The following FHIT variants were observed in gnomAD, a reference collection of about 807,000 sequenced individuals.
FHIT encodes bis(5'-adenosyl)-triphosphatase.
In FHIT, 19 loss-of-function variants were observed where a neutral mutation model predicts 17.9. That is an observed-to-expected ratio of 1.06 (90% CI 0.74 to 1.56). FHIT has a LOEUF of 1.56. Among genes scored for constraint, FHIT ranks in the 40% most tolerant of loss-of-function variants. The pLI is 0.00. For missense variants in FHIT, 248 were observed against 189.2 expected (o/e 1.31, Z -1.82); for synonymous variants, 81 against 69.7 (o/e 1.16, Z -0.81).
intron 5 of FHIT, among the ~76,000 whole-genome samples, chr3:60,313,148 A>AGAT (rs1330317191): frequency 6.6e-6 from 1 of 152,230 alleles, no homozygotes; most frequent in African/African-American, 2.4e-5. Context: ...ACTGACTCAC[A>AGAT]GATGTATGTT....
chr3:59,873,531 A>G (rs1703015521), intron 8 of FHIT, among the ~76,000 whole-genome samples: 2 of 152,202 alleles, frequency 1.3e-5, no homozygotes, highest in South Asian at 4.1e-4. Context: ...TCTGTCCTCT[A>G]GCCAAGGGTT....
At chr3:61,180,279 C>G (rs1349813731) in intron 2 of FHIT, among the ~76,000 whole-genome samples, 4 of 152,194 alleles carry the variant, frequency 2.6e-5, no homozygotes, top group Non-Finnish European at 5.9e-5. Flanking sequence ...ATGGCTGGCT[C>G]AGCAAGTGAT....
At chr3:61,040,532 T>C (rs2033457128) in intron 3 of FHIT, among the ~76,000 whole-genome samples, 1 of 152,198 alleles carries the variant, frequency 6.6e-6, no homozygotes, top group African/African-American at 2.4e-5. Flanking sequence ...ATATTGTCAC[T>C]GTTTTTTAAA....
intron 5 of FHIT, among the ~76,000 whole-genome samples, chr3:60,326,604 TG>T (rs1392893043): frequency 1.3e-5 from 2 of 152,216 alleles, no homozygotes; most frequent in South Asian, 2.1e-4. Flanking sequence ...ACGCAGGGGC[TG>T]GGGACCCCTG....
rs5849379 is a variant in FHIT at position 60,599,684 on chromosome 3, T to TAAAA, written c.-17-62709_-17-62706dup. ...AAGTAAAATGCTAAAAAGGACAAGT[T>TAAAA]AAAAAAAAAAAAAGGAATGCAATAC... On this transcript the variant is annotated intron_variant, in intron 4 of 9. Coordinates refer to ENST00000492590, the MANE Select transcript of FHIT (RefSeq NM_002012.4). 1.7e-3 allele frequency among the ~76,000 whole-genome samples: 241 copies of TAAAA among 143,946 alleles called. 1 individual carries two copies. Among genetic ancestry groups the TAAAA allele is most frequent in the East Asian group, 5.1e-3 (25 of 4,862 alleles). 94.4% of individuals were successfully genotyped at this position (143,946 alleles called of 152,430 possible). A position where few individuals can be genotyped will look rare whatever the true frequency, so the allele number is the denominator to read the frequency against.
At chr3:60,683,762 T>A (rs1300331033) in intron 4 of FHIT, among the ~76,000 whole-genome samples, 2 of 152,198 alleles carry the variant, frequency 1.3e-5, no homozygotes, top group Non-Finnish European at 2.9e-5. Context: ...TTACTTACAC[T>A]TCAAGAAATT....
chr3:59,858,241 T>C (rs988932203), intron 8 of FHIT, among the ~76,000 whole-genome samples: 6,611 of 107,486 alleles, frequency 0.062, 113 homozygotes, highest in Non-Finnish European at 0.089. Flanking sequence ...ACCTTCTTTT[T>C]TTTTTTTTTT....
chr3:60,580,227 GT>G, intron 4 of FHIT, among the ~76,000 whole-genome samples: 1 of 152,228 alleles, frequency 6.6e-6, no homozygotes. Context: ...TTCAAAATTA[GT>G]TTTTGTGGAA....
intron 4 of FHIT, among the ~76,000 whole-genome samples, chr3:60,631,444 C>A (rs1028938153): frequency 1.3e-5 from 2 of 152,112 alleles, no homozygotes; most frequent in Admixed American, 1.3e-4. Context: ...CTAGGGGATC[C>A]ATGCAGAAAT....
chr3:60,761,073 A>G (rs931526940), intron 4 of FHIT, among the ~76,000 whole-genome samples: 14 of 152,132 alleles, frequency 9.2e-5, no homozygotes, highest in Admixed American at 6.6e-4. Flanking sequence ...AGATATAACC[A>G]GAAGAAGGGG....
intron 8 of FHIT, among the ~76,000 whole-genome samples, chr3:59,759,783 G>A (rs1359563894): frequency 3.9e-5 from 6 of 151,942 alleles, no homozygotes; most frequent in African/African-American, 7.3e-5. Context: ...GCAGACTGGC[G>A]CCCACGCTGG....
intron 5 of FHIT, among the ~76,000 whole-genome samples, chr3:60,233,949 A>C (rs1704630949): frequency 6.6e-6 from 1 of 151,316 alleles, no homozygotes; most frequent in Non-Finnish European, 1.5e-5. Context: ...AATCCATTAA[A>C]CCTCCTTCCT....
intron 7 of FHIT, among the ~76,000 whole-genome samples, chr3:59,933,576 T>C (rs993545700): frequency 6.6e-5 from 10 of 152,144 alleles, no homozygotes; most frequent in African/African-American, 1.9e-4. Flanking sequence ...GTCAGGTTGA[T>C]AGGATGTCAA....
intron 4 of FHIT, among the ~76,000 whole-genome samples, chr3:60,544,263 T>A (rs555268902): frequency 4.6e-5 from 7 of 152,072 alleles, no homozygotes; most frequent in African/African-American, 1.7e-4. Flanking sequence ...TTTTGTATTA[T>A]GAATGATGTC....
chr3:60,672,944 C>T (rs1434928627), intron 4 of FHIT, among the ~76,000 whole-genome samples: 2 of 142,308 alleles, frequency 1.4e-5, no homozygotes, highest in African/African-American at 5.1e-5. Context: ...GCATCCTTAT[C>T]TTATCAAAAT....
intron 5 of FHIT, among the ~76,000 whole-genome samples, chr3:60,117,949 C>G (rs1018052579): frequency 2.6e-5 from 4 of 152,142 alleles, no homozygotes; most frequent in African/African-American, 9.7e-5. Context: ...GGTTGTGCAT[C>G]AGAATCACCT....
chr3:60,317,815 G>A (rs1297339678), intron 5 of FHIT, among the ~76,000 whole-genome samples: 1 of 150,042 alleles, frequency 6.7e-6, no homozygotes, highest in Non-Finnish European at 1.5e-5. Flanking sequence ...TTTTGAGACA[G>A]GGTCTCACTC....
intron 5 of FHIT, among the ~76,000 whole-genome samples, chr3:60,144,785 T>G (rs1700172206): frequency 6.6e-6 from 1 of 152,168 alleles, no homozygotes; most frequent in Admixed American, 6.5e-5. Flanking sequence ...AACAATATTT[T>G]ACTGTTAATC....
At chr3:60,725,758 A>G (rs2041905287) in intron 4 of FHIT, among the ~76,000 whole-genome samples, 1 of 152,220 alleles carries the variant, frequency 6.6e-6, no homozygotes, top group African/African-American at 2.4e-5. Flanking sequence ...TAATAATAAT[A>G]GTAACTAGCA....
Sources: gnomAD v4.1 joint callset for allele counts (sites outside exome capture counted in the v4.1 genomes callset) on GRCh38, gnomAD v4.1.1 for gene constraint, MANE v1.5 for transcripts, NCBI Gene and HGNC (gene_info 2026-07-23, HGNC 2026-07-21) for gene names.